RPS6KA2: variants seen among roughly 807,000 people sequenced by gnomAD.
The protein encoded by RPS6KA2 is ribosomal protein S6 kinase alpha-2.
In RPS6KA2, 42 loss-of-function variants were observed where a neutral mutation model predicts 91.8. The observed-to-expected ratio is 0.46, with a 90% CI of 0.36 to 0.59. RPS6KA2 has a LOEUF of 0.59. Ranked by LOEUF, RPS6KA2 falls within the 20% of genes least tolerant of loss-of-function variation. The pLI is 0.00. For missense variants in RPS6KA2, 798 were observed against 978.5 expected (o/e 0.82, Z 2.46); for synonymous variants, 414 against 393.6 (o/e 1.05, Z -0.61).
rs903527465 is a variant in RPS6KA2 at position 166,577,626 on chromosome 6, A to G, written c.100-38842T>C. 7.9e-5 allele frequency among the ~76,000 whole-genome samples: 12 copies of G among 152,166 alleles called. No homozygotes were observed. In the East Asian group the frequency reaches 1.5e-3, roughly 20 times the overall value. On this transcript the variant is annotated intron_variant, in intron 1 of 20. Coordinates refer to ENST00000265678, the MANE Select transcript of RPS6KA2 (RefSeq NM_021135.6). ...GGAACAATAACTGTACCCCCATTGT[A>G]TCTAGGAAGTAACTAGCTTGCTTTT...
rs1781538438 is a variant in RPS6KA2, at chr6:166,490,151, C to T, written c.818+520G>A. ...AATTAAGCAGAAAATGGTTTGTATC[C>T]AGTCACATGGTAAAACGATACCGAG... On this transcript the variant is annotated intron_variant, in intron 9 of 20. Coordinates refer to ENST00000265678, the MANE Select transcript of RPS6KA2 (RefSeq NM_021135.6). This position sits in a 1 kb window ranked among gnomAD's most constrained non-coding sequence, Gnocchi z 4.2. Among the ~76,000 whole-genome samples the T allele has an allele frequency of 6.6e-6, 1 of 152,098 alleles. No homozygotes were observed. Among genetic ancestry groups the T allele is most frequent in the Admixed American group, 6.5e-5 (1 of 15,278 alleles).
intron 1 of RPS6KA2, among the ~76,000 whole-genome samples, chr6:166,621,788 T>G (rs997016522): frequency 6.6e-6 from 1 of 152,190 alleles, no homozygotes; most frequent in African/African-American, 2.4e-5. Flanking sequence ...GGCAGCTCCC[T>G]GAAGGTCCCC....
chr6:166,790,611 G>A (rs2128613869), intron 2 of RPS6KA2, among the ~76,000 whole-genome samples: 1 of 152,302 alleles, frequency 6.6e-6, no homozygotes, highest in Non-Finnish European at 1.5e-5. Context: ...GGCAGCCAGA[G>A]AGAAAGCTCG....
chr6:166,748,716 C>G (rs1283826768), intron 2 of RPS6KA2, among the ~76,000 whole-genome samples: 1 of 44,406 alleles, frequency 2.3e-5, no homozygotes. Context: ...CCTCAGGCCC[C>G]CATCTCCTCA....
chr6:166,566,828 G>T (rs760422199), intron 1 of RPS6KA2, among the ~76,000 whole-genome samples: 23 of 152,188 alleles, frequency 1.5e-4, no homozygotes, highest in Non-Finnish European at 2.4e-4. Flanking sequence ...TGGGTGATTG[G>T]CTGGAGATCA....
chr6:166,791,482 C>T (rs1382139934), intron 2 of RPS6KA2, among the ~76,000 whole-genome samples: 2 of 152,116 alleles, frequency 1.3e-5, no homozygotes, highest in Non-Finnish European at 2.9e-5. Context: ...CAAGGATATC[C>T]AGGAATTGAA....
intron 2 of RPS6KA2, among the ~76,000 whole-genome samples, chr6:166,817,721 TTTC>T (rs796211455): frequency 7.0e-6 from 1 of 143,212 alleles, no homozygotes; most frequent in East Asian, 2.1e-4. Flanking sequence ...TTTTTCTTTT[TTTC>T]TTTTTTTTTT....
intron 10 of RPS6KA2, chr6:166,475,612 G>C: frequency 3.2e-6 from 1 of 315,880 alleles, no homozygotes; most frequent in East Asian, 8.5e-5. Context: ...GGCCTCTGGA[G>C]GTCAGTGGCA....
chr6:166,743,617 G>A, intron 2 of RPS6KA2, among the ~76,000 whole-genome samples: 1 of 152,238 alleles, frequency 6.6e-6, no homozygotes, highest in Non-Finnish European at 1.5e-5. Flanking sequence ...GCCGTCTCTT[G>A]TAACCCTTTG....
At position 166,567,270 on chromosome 6, in the gene RPS6KA2, C is replaced by T. The variant is rs1484106235; in HGVS notation, c.100-28486G>A. Among the ~76,000 whole-genome samples, 7 of 152,292 alleles carry T rather than the reference C, an allele frequency of 4.6e-5. No homozygotes were observed. The East Asian group carries it at 9.6e-4, about 21-fold the overall frequency. On this transcript the variant is annotated intron_variant, in intron 1 of 20. Transcript: ENST00000265678. ...TCCAAATCCTTGACATGTGCTTGGC[C>T]GTGAGCCTGCAGCCCTGCCTGTCCT...
chr6:166,616,819 TG>T (rs1157314661), intron 1 of RPS6KA2, among the ~76,000 whole-genome samples: 1 of 152,150 alleles, frequency 6.6e-6, no homozygotes, highest in Admixed American at 6.5e-5. Flanking sequence ...GTGGTGCCCA[TG>T]GGGGGCTGCC....
chr6:166,760,483 C>T (rs919526617), intron 2 of RPS6KA2, among the ~76,000 whole-genome samples: 2 of 152,186 alleles, frequency 1.3e-5, no homozygotes, highest in Admixed American at 6.5e-5. Flanking sequence ...AGTATGTGGG[C>T]ACCGCCCCCA....
At chr6:166,683,926 C>G (rs560395983) in intron 2 of RPS6KA2, among the ~76,000 whole-genome samples, 1 of 152,158 alleles carries the variant, frequency 6.6e-6, no homozygotes, top group Non-Finnish European at 1.5e-5. Context: ...ACGGCACCTC[C>G]CCTTCCCTTC....
Position 166,614,263 on chromosome 6 carries a change from C to A in RPS6KA2, c.99+12658G>T, listed in dbSNP as rs55819115. 5.6e-3 allele frequency among the ~76,000 whole-genome samples: 857 copies of A among 152,358 alleles called. 10 individuals carry two copies. Among genetic ancestry groups the A allele is most frequent in the African/African-American group, 0.02 (825 of 41,576 alleles). On this transcript the variant is annotated intron_variant, in intron 1 of 20. Coordinates refer to ENST00000265678, the MANE Select transcript of RPS6KA2 (RefSeq NM_021135.6). ...GTAGACAGATATAGATGCAGCCGAG[C>A]TTCCTACGCCTGTCGGAGGCTGAAC...
At position 166,416,724 on chromosome 6, in the gene RPS6KA2, C is replaced by T. The variant is rs540437120; in HGVS notation, c.1938+1501G>A. Among the ~76,000 whole-genome samples, 416 of 151,782 alleles carry T rather than the reference C, an allele frequency of 2.7e-3. 2 individuals carry two copies. Among genetic ancestry groups the T allele is most frequent in the Non-Finnish European group, 3.9e-3 (264 of 67,928 alleles). On this transcript the variant is annotated intron_variant, in intron 19 of 20. Transcript: ENST00000265678. ...TCATCTCCACAATCGTCACCTCCACCATCCCTCCACAATCACCTCCATCAT... is the reference window on the plus strand; with the variant it reads ...TCATCTCCACAATCGTCACCTCCACTATCCCTCCACAATCACCTCCATCAT...
intron 2 of RPS6KA2, among the ~76,000 whole-genome samples, chr6:166,833,106 T>C (rs1423117254): frequency 6.6e-6 from 1 of 152,254 alleles, no homozygotes; most frequent in East Asian, 1.9e-4. Flanking sequence ...TGCATGGTAC[T>C]ACCACATTTC....
At chr6:166,716,721 A>G (rs1384403783) in intron 2 of RPS6KA2, among the ~76,000 whole-genome samples, 1 of 152,230 alleles carries the variant, frequency 6.6e-6, no homozygotes, top group Non-Finnish European at 1.5e-5. Flanking sequence ...ATACCTCACA[A>G]CCTAAAATGT....
intron 2 of RPS6KA2, among the ~76,000 whole-genome samples, chr6:166,763,815 G>A (rs570138845): frequency 4.9e-4 from 74 of 152,252 alleles, no homozygotes; most frequent in African/African-American, 1.7e-3. Flanking sequence ...AACTGCAAAC[G>A]ATCCCAGCAA....
At chr6:166,838,389 T>A (rs1176944558) in intron 2 of RPS6KA2, among the ~76,000 whole-genome samples, 2 of 152,218 alleles carry the variant, frequency 1.3e-5, no homozygotes, top group Non-Finnish European at 2.9e-5. Context: ...GGAAAATGTA[T>A]TTATTTTTCA....
Sources: gnomAD v4.1 joint callset for allele counts (sites outside exome capture counted in the v4.1 genomes callset) on GRCh38, gnomAD v4.1.1 for gene constraint, Gnocchi (gnomAD v3.1) non-coding constraint, MANE v1.5 for transcripts, NCBI Gene and HGNC (gene_info 2026-07-23, HGNC 2026-07-21) for gene names.